MACROD2: variants seen among roughly 807,000 people sequenced by gnomAD.
The protein encoded by MACROD2 is mono-ADP ribosylhydrolase 2, also known as ADP-ribose glycohydrolase MACROD2.
MACROD2 carries 36 observed loss-of-function variants against 70.4 expected under a neutral mutation model. The ratio of observed to expected loss-of-function variants is 0.51; its 90% CI spans 0.39 to 0.68. The LOEUF is 0.68. Among genes scored for constraint, MACROD2 ranks in the 30% least tolerant of loss-of-function variants. The pLI, the probability that MACROD2 is intolerant of heterozygous loss-of-function variation, is 0.00. For synonymous variants in MACROD2, 172 were observed against 178.8 expected, an observed-to-expected ratio of 0.96 and a Z score of 0.30; for missense variants, 496 against 538.4, an observed-to-expected ratio of 0.92 and a Z score of 0.78.
intron 8 of MACROD2, among the ~76,000 whole-genome samples, chr20:15,673,034 C>T (rs528686796): frequency 6.6e-5 from 10 of 152,282 alleles, no homozygotes; most frequent in East Asian, 3.9e-4. Context: ...TCCCCAGCCA[C>T]GTGGAACCAT....
chr20:15,906,407 G>T (rs2065147608), intron 10 of MACROD2, among the ~76,000 whole-genome samples: 1 of 152,058 alleles, frequency 6.6e-6, no homozygotes, highest in South Asian at 2.1e-4. Flanking sequence ...TGAACCATTT[G>T]GGAATAAGTT....
chr20:14,932,920 TTGG>T (rs2074308721), intron 5 of MACROD2, among the ~76,000 whole-genome samples: 2 of 152,112 alleles, frequency 1.3e-5, no homozygotes, highest in Non-Finnish European at 2.9e-5. Flanking sequence ...CTGATGAAAT[TTGG>T]ATAATTATAT....
chr20:15,987,929 T>C (rs1017210991), intron 15 of MACROD2, among the ~76,000 whole-genome samples: 2 of 152,180 alleles, frequency 1.3e-5, no homozygotes, highest in Admixed American at 1.3e-4. Context: ...TAAATAAATA[T>C]GTATTTGCAA....
intron 8 of MACROD2, among the ~76,000 whole-genome samples, chr20:15,642,931 G>A (rs996976549): frequency 2.0e-5 from 3 of 152,152 alleles, no homozygotes; most frequent in African/African-American, 7.2e-5. Context: ...GAGACTTCCT[G>A]TTTATATTCA....
chr20:14,117,125 T>C (rs1208199656), intron 3 of MACROD2, among the ~76,000 whole-genome samples: 2 of 152,074 alleles, frequency 1.3e-5, no homozygotes, highest in Admixed American at 6.5e-5. Flanking sequence ...GTATATTCTT[T>C]ACTTTGTATT....
chr20:14,787,546 C>T (rs2072390087), intron 5 of MACROD2, among the ~76,000 whole-genome samples: 1 of 152,088 alleles, frequency 6.6e-6, no homozygotes, highest in Admixed American at 6.5e-5. Context: ...CATGATCTCA[C>T]CTGAAACAAA....
At chr20:14,755,130 T>G (rs2071923202) in intron 5 of MACROD2, among the ~76,000 whole-genome samples, 1 of 152,058 alleles carries the variant, frequency 6.6e-6, no homozygotes, top group Non-Finnish European at 1.5e-5. Context: ...CCTTAGAAAT[T>G]AGGGTGGGTG....
chr20:15,698,377 TG>T (rs1343799784), intron 8 of MACROD2, among the ~76,000 whole-genome samples: 2 of 152,214 alleles, frequency 1.3e-5, no homozygotes, highest in Non-Finnish European at 2.9e-5. Context: ...ATAATTGTTT[TG>T]TTTAAAGAGG....
intron 10 of MACROD2, among the ~76,000 whole-genome samples, chr20:15,919,926 T>G (rs917132509): frequency 1.3e-5 from 2 of 152,084 alleles, no homozygotes; most frequent in African/African-American, 4.8e-5. Flanking sequence ...ATAGATCTAA[T>G]GAAAAATTGA....
chr20:15,830,934 G>A (rs1054486506), intron 8 of MACROD2, among the ~76,000 whole-genome samples: 2 of 152,290 alleles, frequency 1.3e-5, no homozygotes, highest in Admixed American at 6.5e-5. Flanking sequence ...TAGTCATATA[G>A]CATTCTTTTC....
intron 15 of MACROD2, among the ~76,000 whole-genome samples, chr20:15,997,598 G>C (rs1382394245): frequency 6.6e-6 from 1 of 152,136 alleles, no homozygotes; most frequent in Non-Finnish European, 1.5e-5. Context: ...TTTTGTTGGT[G>C]TCTGTAAGGT....
At chr20:14,600,906 A>T (rs1033987363) in intron 4 of MACROD2, among the ~76,000 whole-genome samples, 1 of 152,154 alleles carries the variant, frequency 6.6e-6, no homozygotes, top group African/African-American at 2.4e-5. Flanking sequence ...GGCTTGTCTC[A>T]TGTATTATAT....
chr20:15,503,277 G>C (rs904542740), intron 8 of MACROD2, among the ~76,000 whole-genome samples: 5 of 152,174 alleles, frequency 3.3e-5, no homozygotes, highest in African/African-American at 1.2e-4. Context: ...CAAGAATTGT[G>C]TTGCCATGCT....
intron 3 of MACROD2, among the ~76,000 whole-genome samples, chr20:14,426,742 A>G (rs777282678): frequency 7.9e-5 from 12 of 152,136 alleles, no homozygotes; most frequent in Non-Finnish European, 1.6e-4. Flanking sequence ...TGGAGGGAGT[A>G]CCTAGCATCT....
intron 6 of MACROD2, among the ~76,000 whole-genome samples, chr20:15,390,956 AGATGGAGAT>A (rs1195340509): frequency 2.6e-5 from 4 of 152,186 alleles, no homozygotes; most frequent in African/African-American, 9.6e-5. Context: ...TTCATTTGGA[AGATGGAGAT>A]GACACCAGTG....
intron 5 of MACROD2, among the ~76,000 whole-genome samples, chr20:15,222,436 G>A (rs539046185): frequency 2.0e-5 from 3 of 152,288 alleles, no homozygotes; most frequent in African/African-American, 7.2e-5. Context: ...TGAACTTCAA[G>A]TATTCTGTTT....
At chr20:15,980,809 T>C (rs556032463) in intron 13 of MACROD2, among the ~76,000 whole-genome samples, 21 of 152,326 alleles carry the variant, frequency 1.4e-4, no homozygotes, top group Admixed American at 3.3e-4. Context: ...TTTTGATAGA[T>C]AGCATTTCTT....
intron 2 of MACROD2, among the ~76,000 whole-genome samples, chr20:14,072,158 C>A (rs1281747563): frequency 1.3e-5 from 2 of 152,134 alleles, no homozygotes; most frequent in East Asian, 3.9e-4. Context: ...CTACTGACAC[C>A]TTTGTATTGC....
chr20:15,330,741 A>G (rs550838275), intron 6 of MACROD2, among the ~76,000 whole-genome samples: 1 of 151,802 alleles, frequency 6.6e-6, no homozygotes, highest in East Asian at 1.9e-4. Context: ...CTAATGGATT[A>G]AAGTGACAAA....
Sources: allele counts gnomAD v4.1 joint callset (sites outside exome capture counted in the v4.1 genomes callset), GRCh38; gene constraint gnomAD v4.1.1; transcripts MANE v1.5; gene names NCBI Gene and HGNC (gene_info 2026-07-23, HGNC 2026-07-21).